The following PDE1C variants were observed in gnomAD, a reference collection of about 807,000 sequenced individuals.
PDE1C encodes phosphodiesterase 1C.
A neutral mutation model predicts 93.1 loss-of-function variants in PDE1C; 62 were observed. That is an observed-to-expected ratio of 0.67 (90% CI 0.54 to 0.82). The LOEUF is 0.82. Ranked by LOEUF, PDE1C falls within the 40% of genes least tolerant of loss-of-function variation. The pLI is 0.00. For missense variants in PDE1C, 742 were observed against 884.6 expected, an observed-to-expected ratio of 0.84 and a Z score of 2.04; for synonymous variants, 325 against 310.1, an observed-to-expected ratio of 1.05 and a Z score of -0.50.
chr7:32,029,033 C>T (rs978676106), intron 2 of PDE1C, among the ~76,000 whole-genome samples: 1 of 151,992 alleles, frequency 6.6e-6, no homozygotes, highest in African/African-American at 2.4e-5. Flanking sequence ...GGAGCTCAAA[C>T]AATTCAATAG....
At chr7:32,020,756 A>T (rs1376689134) in intron 2 of PDE1C, among the ~76,000 whole-genome samples, 1 of 152,152 alleles carries the variant, frequency 6.6e-6, no homozygotes, top group Non-Finnish European at 1.5e-5. Context: ...ATTTTACACA[A>T]ATCTAAATTT....
At chr7:31,702,517 G>A in the PDE1C span, among the ~76,000 whole-genome samples, 1,265 of 152,276 alleles carry the variant, frequency 8.3e-3, 14 homozygotes, top group African/African-American at 0.029. Context: ...CCAGCTCGAA[G>A]CCTCTGCTAT....
intron 1 of PDE1C, among the ~76,000 whole-genome samples, chr7:32,376,878 G>A (rs776290196): frequency 2.0e-5 from 3 of 152,012 alleles, no homozygotes; most frequent in African/African-American, 4.8e-5. Context: ...TTGTAGGGAC[G>A]GGGTTTCACC....
rs58675372 is a variant in PDE1C at position 32,152,387 on chromosome 7, C to T, written c.308+17398G>A. ...AGTCCTCACATGAGCAGTGTGTCAG[C>T]GAAAGGCACCAAAACAGCATAGGCA... is the stretch of plus-strand genomic sequence containing the variant. On this transcript the variant is annotated intron_variant, in intron 3 of 18. Transcript: ENST00000396193. 2.7e-3 allele frequency among the ~76,000 whole-genome samples: 412 copies of T among 152,258 alleles called. 3 individuals are homozygous for T. The highest frequency in any genetic ancestry group is 9.5e-3 in the African/African-American group (396 of 41,524).
rs10447632 is a variant in PDE1C at position 32,246,754 on chromosome 7, G to T, written c.86-37215C>A. On this transcript the variant is annotated intron_variant, in intron 1 of 18. Transcript: ENST00000396193. ...TGTGTGACCTCAGCTATGTTTCCTC[G>T]GATATAAATGGGTTTAATAATAGTA... is the stretch of plus-strand genomic sequence containing the variant. Among the ~76,000 whole-genome samples the T allele has an allele frequency of 3.3e-5, 5 of 151,986 alleles. No individual in the cohort carries two copies. The East Asian group carries it at 9.7e-4, about 29-fold the overall frequency.
At chr7:31,738,802 G>A in the PDE1C span, among the ~76,000 whole-genome samples, 2 of 152,138 alleles carry the variant, frequency 1.3e-5, no homozygotes, top group Non-Finnish European at 2.9e-5. Context: ...CCTGAAGCGG[G>A]GCACAGAGCA....
intron 3 of PDE1C, among the ~76,000 whole-genome samples, chr7:32,161,319 G>C (rs906228314): frequency 1.3e-5 from 2 of 152,154 alleles, no homozygotes; most frequent in Non-Finnish European, 2.9e-5. Flanking sequence ...AGGTATCCAA[G>C]AGAGCACAGA....
At chr7:32,335,563 C>A (rs215649) in intron 1 of PDE1C, among the ~76,000 whole-genome samples, 145,069 of 152,150 alleles carry the variant, frequency 0.95, 69,350 homozygotes, top group East Asian at 1. Flanking sequence ...CTTGGCTTGT[C>A]GATGGCCATC....
At chr7:32,236,088 A>G (rs1456700137) in intron 1 of PDE1C, among the ~76,000 whole-genome samples, 1 of 152,140 alleles carries the variant, frequency 6.6e-6, no homozygotes, top group Non-Finnish European at 1.5e-5. Flanking sequence ...ACATCCATAT[A>G]CCAAAAAAAA....
chr7:31,986,382 T>C (rs563187656), intron 2 of PDE1C, among the ~76,000 whole-genome samples: 57 of 152,292 alleles, frequency 3.7e-4, no homozygotes, highest in African/African-American at 1.3e-3. Flanking sequence ...GATGACCTCA[T>C]GTTGACTAGT....
At chr7:32,349,178 G>A (rs935668678) in intron 1 of PDE1C, among the ~76,000 whole-genome samples, 23 of 152,206 alleles carry the variant, frequency 1.5e-4, no homozygotes, top group African/African-American at 5.5e-4. Context: ...GGATGTCACA[G>A]AAGGTTCACA....
intron 1 of PDE1C, among the ~76,000 whole-genome samples, chr7:32,328,952 G>A (rs534763968): frequency 9.9e-4 from 151 of 152,232 alleles, no homozygotes; most frequent in Non-Finnish European, 1.7e-3. Flanking sequence ...AGTATTGCTG[G>A]CCAGGCGTGA....
At position 31,839,189 on chromosome 7, in the gene PDE1C, T is replaced by TATAC. The variant is rs986003335; in HGVS notation, c.981-1222_981-1219dup. ...GTATACACACATACATATACGTATG[T>TATAC]ATACATACATACATACGTATATGTG... On this transcript the variant is annotated intron_variant, in intron 9 of 17. Coordinates refer to ENST00000396191, the MANE Select transcript of PDE1C (RefSeq NM_001191057.4). 2.7e-5 allele frequency among the ~76,000 whole-genome samples: 4 copies of TATAC among 149,408 alleles called. No homozygotes were observed. In the East Asian group the frequency reaches 7.8e-4, roughly 29 times the overall value.
At chr7:32,126,389 TC>T (rs1044790669) in intron 3 of PDE1C, among the ~76,000 whole-genome samples, 2 of 152,124 alleles carry the variant, frequency 1.3e-5, no homozygotes, top group African/African-American at 4.8e-5. Context: ...GCCGTCTGGC[TC>T]CAGACTCCAG....
the PDE1C span, among the ~76,000 whole-genome samples, chr7:31,652,290 G>A: frequency 1.3e-5 from 2 of 152,118 alleles, no homozygotes; most frequent in Non-Finnish European, 2.9e-5. Context: ...GTACATCATA[G>A]AGAAGTCCTA....
At chr7:32,311,803 G>A (rs1377960778) in intron 1 of PDE1C, among the ~76,000 whole-genome samples, 1 of 152,130 alleles carries the variant, frequency 6.6e-6, no homozygotes, top group Non-Finnish European at 1.5e-5. Context: ...ATATCATACT[G>A]AATGGGCAAA....
At chr7:32,025,476 C>T (rs1789290311) in intron 2 of PDE1C, among the ~76,000 whole-genome samples, 1 of 152,066 alleles carries the variant, frequency 6.6e-6, no homozygotes, top group South Asian at 2.1e-4. Context: ...AGCTGAAGGA[C>T]ACTGCTCAGG....
chr7:32,392,198 T>G (rs927374357), intron 1 of PDE1C, among the ~76,000 whole-genome samples: 4 of 152,112 alleles, frequency 2.6e-5, no homozygotes, highest in African/African-American at 7.2e-5. Flanking sequence ...AAGAACTTTA[T>G]GACAACAAAT....
intron 12 of PDE1C, among the ~76,000 whole-genome samples, chr7:31,825,529 G>C (rs1274384879): frequency 6.6e-6 from 1 of 152,078 alleles, no homozygotes; most frequent in Non-Finnish European, 1.5e-5. Flanking sequence ...AGAGGGTTGG[G>C]ACTTAGGTGG....
Sources: gnomAD v4.1 joint callset for allele counts (sites outside exome capture counted in the v4.1 genomes callset) on GRCh38, gnomAD v4.1.1 for gene constraint, MANE v1.5 for transcripts, NCBI Gene and HGNC (gene_info 2026-07-23, HGNC 2026-07-21) for gene names.